Variants in GLIS3 observed in about 807,000 individuals in gnomAD.
The protein encoded by GLIS3 is zinc finger protein GLIS3.
In GLIS3, 53 loss-of-function variants were observed where a neutral mutation model predicts 78.6. The ratio of observed to expected loss-of-function variants is 0.67; its 90% CI spans 0.54 to 0.85. The LOEUF is 0.85. GLIS3 is among the 40% of genes least tolerant of loss of function. GLIS3 has a pLI of 0.00. For synonymous variants in GLIS3, 684 were observed against 509.9 expected (o/e 1.34, Z -4.60); for missense variants, 1,703 against 1,231.1 (o/e 1.38, Z -5.74).
chr9:4,450,084 A>G, the GLIS3 span, among the ~76,000 whole-genome samples: 1 of 152,194 alleles, frequency 6.6e-6, no homozygotes, highest in Non-Finnish European at 1.5e-5. Flanking sequence ...CATCACAAGG[A>G]AGCTAAAAAC....
intron 2 of GLIS3, among the ~76,000 whole-genome samples, chr9:4,156,743 T>C (rs757494091): frequency 1.3e-5 from 2 of 152,088 alleles, no homozygotes; most frequent in Non-Finnish European, 2.9e-5. Flanking sequence ...CATGCCCTTA[T>C]CTGATGAGGA....
intron 4 of GLIS3, among the ~76,000 whole-genome samples, chr9:3,991,862 T>A (rs568256481): frequency 1.3e-5 from 2 of 152,094 alleles, no homozygotes; most frequent in Admixed American, 1.3e-4. Context: ...GGCTAATTTT[T>A]TGTATTTTTA....
chr9:4,186,241 A>G (rs555535992), intron 2 of GLIS3, among the ~76,000 whole-genome samples: 37 of 150,752 alleles, frequency 2.5e-4, no homozygotes, highest in African/African-American at 8.5e-4. Flanking sequence ...GAGTGAGAAC[A>G]TGCAGTGTTT....
intron 4 of GLIS3, among the ~76,000 whole-genome samples, chr9:4,000,935 T>G (rs1030738681): frequency 6.6e-6 from 1 of 152,200 alleles, no homozygotes; most frequent in Non-Finnish European, 1.5e-5. Context: ...CTCTGTACTT[T>G]CACAAAGCTA....
chr9:4,387,184 C>T, the GLIS3 span, among the ~76,000 whole-genome samples: 2 of 152,182 alleles, frequency 1.3e-5, no homozygotes, highest in African/African-American at 4.8e-5. Context: ...AAAACCTGGA[C>T]TGTTCTAGAA....
At chr9:4,249,873 T>C (rs188445970) in intron 2 of GLIS3, among the ~76,000 whole-genome samples, 1 of 152,360 alleles carries the variant, frequency 6.6e-6, no homozygotes, top group Non-Finnish European at 1.5e-5. Flanking sequence ...TCTATTGAGA[T>C]AACCATGTGG....
At chr9:4,167,407 T>C (rs886211041) in intron 2 of GLIS3, among the ~76,000 whole-genome samples, 2 of 152,206 alleles carry the variant, frequency 1.3e-5, no homozygotes, top group African/African-American at 2.4e-5. Flanking sequence ...ATTAAGCCAC[T>C]ACTATGTGCC....
At chr9:4,205,379 T>C (rs564350431) in intron 2 of GLIS3, among the ~76,000 whole-genome samples, 2 of 152,250 alleles carry the variant, frequency 1.3e-5, no homozygotes, top group South Asian at 2.1e-4. Context: ...CCAAAGCTCC[T>C]GGCCAGAGTT....
the GLIS3 span, among the ~76,000 whole-genome samples, chr9:4,400,840 G>C: frequency 1.3e-5 from 2 of 152,140 alleles, no homozygotes; most frequent in Non-Finnish European, 2.9e-5. Context: ...CTGCATTGAA[G>C]GGAATGACTC....
chr9:3,862,686 G>A (rs1563788590), intron 8 of GLIS3, among the ~76,000 whole-genome samples: 2 of 152,104 alleles, frequency 1.3e-5, no homozygotes, highest in Non-Finnish European at 1.5e-5. Flanking sequence ...TTGAAAAGAA[G>A]GAATTTGTGT....
At chr9:3,928,451 A>T (rs1255223416) in intron 6 of GLIS3, among the ~76,000 whole-genome samples, 1 of 152,248 alleles carries the variant, frequency 6.6e-6, no homozygotes, top group East Asian at 1.9e-4. Context: ...GCTTCAATTT[A>T]AAGGAAAATA....
chr9:4,215,230 G>T (rs1028320264), intron 2 of GLIS3, among the ~76,000 whole-genome samples: 2 of 152,164 alleles, frequency 1.3e-5, no homozygotes, highest in Non-Finnish European at 2.9e-5. Context: ...CCTCCCCTCT[G>T]AAAGTCTCCA....
intron 2 of GLIS3, among the ~76,000 whole-genome samples, chr9:4,241,950 C>G (rs1442365314): frequency 6.6e-6 from 1 of 152,228 alleles, no homozygotes; most frequent in Non-Finnish European, 1.5e-5. Flanking sequence ...TCCCAAAGTG[C>G]TGAGATTACA....
At chr9:4,042,521 A>G (rs1285257223) in intron 4 of GLIS3, among the ~76,000 whole-genome samples, 1 of 152,134 alleles carries the variant, frequency 6.6e-6, no homozygotes, top group Non-Finnish European at 1.5e-5. Flanking sequence ...TAGAGCATAA[A>G]ACCCCTCACC....
intron 4 of GLIS3, among the ~76,000 whole-genome samples, chr9:4,307,370 G>A (rs530649822): frequency 3.9e-5 from 6 of 152,008 alleles, no homozygotes; most frequent in Non-Finnish European, 7.4e-5. Context: ...TTTATACGAC[G>A]CTACCGTGAT....
At chr9:4,145,669 C>A (rs1834169908) in intron 2 of GLIS3, among the ~76,000 whole-genome samples, 1 of 151,950 alleles carries the variant, frequency 6.6e-6, no homozygotes, top group East Asian at 1.9e-4. Flanking sequence ...TCAGAGGGAC[C>A]TAACATCTCA....
intron 2 of GLIS3, among the ~76,000 whole-genome samples, chr9:4,159,857 G>A (rs935225531): frequency 3.9e-5 from 6 of 152,158 alleles, no homozygotes; most frequent in Non-Finnish European, 7.3e-5. Flanking sequence ...GAGTTAAGAC[G>A]GCAAGCCAAT....
chr9:4,201,953 T>C (rs2131266475), intron 2 of GLIS3, among the ~76,000 whole-genome samples: 1 of 152,022 alleles, frequency 6.6e-6, no homozygotes, highest in South Asian at 2.1e-4. Flanking sequence ...CTGGCCAGTG[T>C]ATAGTGAAAC....
chr9:4,198,737 G>A (rs1355019689), intron 2 of GLIS3, among the ~76,000 whole-genome samples: 2 of 151,976 alleles, frequency 1.3e-5, no homozygotes, highest in African/African-American at 4.8e-5. Context: ...TACACAAAAT[G>A]AACATCACCA....
Sources: allele counts gnomAD v4.1 joint callset (sites outside exome capture counted in the v4.1 genomes callset), GRCh38; gene constraint gnomAD v4.1.1; transcripts MANE v1.5; gene names NCBI Gene and HGNC (gene_info 2026-07-23, HGNC 2026-07-21).